Variants in RYR3 observed in about 807,000 individuals in gnomAD.
RYR3 encodes ryanodine receptor 3, also known as brain ryanodine receptor-calcium release channel.
Under a neutral mutation model 584.3 loss-of-function variants are expected in RYR3, and 207 were observed. The ratio of observed to expected loss-of-function variants is 0.35; its 90% CI spans 0.32 to 0.40. The LOEUF is 0.40. Ranked by LOEUF, RYR3 falls within the 10% of genes least tolerant of loss-of-function variation. The probability of loss-of-function intolerance (pLI) is 1.00; values close to 1 mark genes in which losing one functional copy is unlikely to be tolerated. For synonymous variants in RYR3, 2,416 were observed against 2,248.5 expected, an observed-to-expected ratio of 1.07 and a Z score of -2.11; for missense variants, 5,616 against 6,089.2, an observed-to-expected ratio of 0.92 and a Z score of 2.59.
chr15:33,838,865 G>A lies in RYR3; in HGVS notation c.12885G>A (p.Gly4295=), dbSNP rs759588731. 6.2e-7 allele frequency: 1 copy of A among 1,613,996 alleles called. No individual in the cohort carries two copies. Among genetic ancestry groups the A allele is most frequent in the East Asian group, 2.2e-5 (1 of 44,890 alleles). The change falls in exon 89 of 104, where the codon GGG becomes GGA. Residue 4295 remains glycine, a synonymous_variant. Transcript: ENST00000634891. ...AGAAAGAGGGCAGCTTAAAGCATGG[G>A]CCTGAAGTGGGTTTGGGTGACCTCT... ...HPKKEGSLKH[G]PEVGLGDLSE...
chr15:33,399,058 A>G (rs2042468149), intron 1 of RYR3, among the ~76,000 whole-genome samples: 1 of 152,206 alleles, frequency 6.6e-6, no homozygotes, highest in Non-Finnish European at 1.5e-5. Context: ...ATAGAGGACC[A>G]AGACTCCTAA....
intron 31 of RYR3, 120 bp from the exon 32 acceptor site, chr15:33,652,598 T>C: frequency 9.8e-7 from 1 of 1,016,692 alleles, no homozygotes; most frequent in Non-Finnish European, 1.5e-6. Context: ...TATTTGGGGC[T>C]GAACAGAAAG....
At chr15:33,673,222 C>T (rs2063954424) in intron 38 of RYR3, among the ~76,000 whole-genome samples, 2 of 152,214 alleles carry the variant, frequency 1.3e-5, no homozygotes, top group African/African-American at 2.4e-5. Flanking sequence ...TAAAAGTTCA[C>T]CAAACCAAGG....
At position 33,629,984 on chromosome 15, in the gene RYR3, T is replaced by G; in HGVS notation, c.2724T>G (p.Phe908Leu). The change falls in exon 22 of 104, where the codon TTT becomes TTG. Residue 908 changes from phenylalanine to leucine, a missense_variant. Coordinates refer to ENST00000634891, the MANE Select transcript of RYR3 (RefSeq NM_001036.6). ...NKRQHPCLVEFSKLPETEKNY... is the reference protein window; with the variant it reads ...NKRQHPCLVELSKLPETEKNY... ...GACAACACCCTTGCCTTGTGGAGTT[T>G]TCAAAGCTCCCAGAAACTGAGAAGA... is the stretch of plus-strand genomic sequence containing the variant. 3 of 1,607,772 alleles carry G rather than the reference T, an allele frequency of 1.9e-6. No homozygotes were observed. The highest frequency in any genetic ancestry group is 2.5e-6 in the Non-Finnish European group (3 of 1,177,160).
intron 27 of RYR3, among the ~76,000 whole-genome samples, chr15:33,638,768 A>T (rs1433072321): frequency 6.6e-6 from 1 of 152,242 alleles, no homozygotes; most frequent in Non-Finnish European, 1.5e-5. Flanking sequence ...GTTATCAATG[A>T]CAAGTGACTA....
chr15:33,689,039 G>A (rs1185241234), intron 38 of RYR3, among the ~76,000 whole-genome samples: 1 of 152,016 alleles, frequency 6.6e-6, no homozygotes. Flanking sequence ...GAAATACTAT[G>A]CAGCCATAAA....
intron 41 of RYR3, 82 bp from the exon 42 acceptor site, chr15:33,700,895 C>T (rs911085858): frequency 4.5e-5 from 43 of 951,110 alleles, no homozygotes; most frequent in Admixed American, 4.4e-4. Context: ...CTCTCCTGTC[C>T]GCTTACGTGC....
At chr15:33,436,138 G>A (rs1372105011) in intron 1 of RYR3, among the ~76,000 whole-genome samples, 5 of 152,122 alleles carry the variant, frequency 3.3e-5, no homozygotes. Flanking sequence ...TATATAGCAA[G>A]TTATATTTCA....
chr15:33,538,217 G>A (rs2055502616), intron 5 of RYR3, among the ~76,000 whole-genome samples: 3 of 152,010 alleles, frequency 2.0e-5, no homozygotes, highest in Non-Finnish European at 4.4e-5. Flanking sequence ...GTGGTCCTTG[G>A]TCTTCATTCA....
intron 86 of RYR3, among the ~76,000 whole-genome samples, chr15:33,832,175 T>C (rs892356764): frequency 9.2e-5 from 14 of 151,722 alleles, no homozygotes; most frequent in African/African-American, 3.4e-4. Context: ...GCGCGTGTAG[T>C]ACCCGCTACT....
chr15:33,710,214 A>C (rs1275722921), intron 43 of RYR3, among the ~76,000 whole-genome samples: 1 of 152,202 alleles, frequency 6.6e-6, no homozygotes, highest in Non-Finnish European at 1.5e-5. Flanking sequence ...GCTGGTATCT[A>C]CTAAACTTCT....
intron 43 of RYR3, among the ~76,000 whole-genome samples, chr15:33,716,651 G>T (rs192326279): frequency 3.3e-5 from 5 of 152,306 alleles, no homozygotes; most frequent in Admixed American, 2.0e-4. Context: ...TGGGGTGAAA[G>T]GATATCAGCT....
intron 3 of RYR3, among the ~76,000 whole-genome samples, chr15:33,509,145 C>T (rs1480938241): frequency 1.3e-5 from 2 of 152,204 alleles, no homozygotes; most frequent in African/African-American, 2.4e-5. Flanking sequence ...AATTGGCTAA[C>T]AGTGCATCTG....
At chr15:33,611,342 G>T (rs2060175345) in intron 18 of RYR3, among the ~76,000 whole-genome samples, 1 of 152,020 alleles carries the variant, frequency 6.6e-6, no homozygotes, top group Admixed American at 6.6e-5. Flanking sequence ...AGATCACGAG[G>T]TCAGGAGATC....
rs555216991 is a variant in RYR3 at position 33,695,818 on chromosome 15, C to T, written c.5861-400C>T. On this transcript the variant is annotated intron_variant, in intron 38 of 103. Transcript: ENST00000634891. ...TTTTTTTTTTTGAGACAGAGTCTCA[C>T]TCTGTTGCCCAGGCTGCAGTGCAGT... is the stretch of plus-strand genomic sequence containing the variant. Among the ~76,000 whole-genome samples the T allele has an allele frequency of 2.5e-3, 384 of 151,652 alleles. 7 individuals are homozygous for T. The highest frequency in any genetic ancestry group is 3.6e-3 in the Non-Finnish European group (243 of 67,956).
chr15:33,598,246 C>CAAAAAAAAAAAAAAAAAAAAAACAAAAAA (rs35785154), intron 16 of RYR3, among the ~76,000 whole-genome samples: 1 of 74,284 alleles, frequency 1.3e-5, no homozygotes, highest in Non-Finnish European at 2.6e-5. Context: ...AAAAATTGCT[C>CAAAAAAAAAAAAAAAAAAAAAACAAAAAA]AAAAAAAAAA....
rs1259627303 is a variant in RYR3, at chr15:33,436,507, T to C, written c.52-36912T>C. ...CTTTTCATGAAACCATATTCTTTTT[T>C]TTTTTTTTTTTGAGATGGAGTCTTG... is the stretch of plus-strand genomic sequence containing the variant. On this transcript the variant is annotated intron_variant, in intron 1 of 103. Coordinates refer to ENST00000634891, the MANE Select transcript of RYR3 (RefSeq NM_001036.6). 2.0e-5 allele frequency among the ~76,000 whole-genome samples: 3 copies of C among 151,108 alleles called. No homozygotes were observed. In the East Asian group the frequency reaches 5.8e-4, roughly 29 times the overall value.
chr15:33,837,950 A>T lies in RYR3; in HGVS notation c.11970A>T (p.Ile3990=). ...GGTTCCATGAGCCAGCCAAGGACAT[A>T]GGGTTTAATGTGGCTGTGTTATTGA... ...VDRFHEPAKD[I]GFNVAVLLTN... The change falls in exon 89 of 104, where the codon ATA becomes ATT. Residue 3990 remains isoleucine (I), a synonymous_variant. Coordinates refer to ENST00000634891, the MANE Select transcript of RYR3 (RefSeq NM_001036.6). 1 of 1,614,040 alleles carries T rather than the reference A, an allele frequency of 6.2e-7. No homozygotes were observed. Among genetic ancestry groups the T allele is most frequent in the African/African-American group, 1.3e-5 (1 of 75,044 alleles).
rs766360360 is a variant in RYR3, at chr15:33,662,652, G to T, written c.5122G>T (p.Ala1708Ser). Residue 1708 changes from alanine to serine, a missense_variant, in exon 35 of 104, where the codon GCC becomes TCC. Coordinates refer to ENST00000634891, the MANE Select transcript of RYR3 (RefSeq NM_001036.6). ...MLTEAVQCSGAHIRDPVGGSV... is the reference protein window; with the variant it reads ...MLTEAVQCSGSHIRDPVGGSV... ...GACAGAGGCAGTGCAGTGCAGCGGG[G>T]CCCACATCCGAGACCCTGTAGGGGG... The T allele has an allele frequency of 3.1e-6, 5 of 1,614,078 alleles. No homozygotes were observed. The South Asian group carries it at 4.4e-5, about 14-fold the overall frequency.
Sources: allele counts gnomAD v4.1 joint callset (sites outside exome capture counted in the v4.1 genomes callset), GRCh38; gene constraint gnomAD v4.1.1; transcripts MANE v1.5; gene names NCBI Gene and HGNC (gene_info 2026-07-23, HGNC 2026-07-21).